CALN1: variants seen among roughly 807,000 people sequenced by gnomAD.
CALN1 encodes calcium-binding protein 8.
CALN1 carries 17 observed loss-of-function variants against 30.6 expected under a neutral mutation model. That is an observed-to-expected ratio of 0.56 (90% CI 0.38 to 0.83). CALN1 has a LOEUF of 0.83. Ranked by LOEUF, CALN1 falls within the 40% of genes least tolerant of loss-of-function variation. The pLI is 0.00. For missense variants in CALN1, 291 were observed against 354.9 expected, an observed-to-expected ratio of 0.82 and a Z score of 1.45; for synonymous variants, 156 against 131.4, an observed-to-expected ratio of 1.19 and a Z score of -1.28.
intron 5 of CALN1, among the ~76,000 whole-genome samples, chr7:71,859,479 C>T (rs1791149575): frequency 6.6e-6 from 1 of 152,168 alleles, no homozygotes; most frequent in South Asian, 2.1e-4. Flanking sequence ...CGTCAGAGGC[C>T]TCTAGGAACT....
intron 5 of CALN1, among the ~76,000 whole-genome samples, chr7:71,993,006 GAACCATTGGAGAAGAAAGA>G (rs1799036479): frequency 1.9e-5 from 2 of 103,624 alleles, no homozygotes; most frequent in Non-Finnish European, 3.5e-5. Flanking sequence ...ATAAGAAAGA[GAACCATTGGAGAAGAAAGA>G]GAACCATTGG....
At chr7:72,479,250 C>G in the CALN1 span, among the ~76,000 whole-genome samples, 1 of 152,086 alleles carries the variant, frequency 6.6e-6, no homozygotes, top group Non-Finnish European at 1.5e-5. Flanking sequence ...TTGTTTTCTT[C>G]TTATCAAGTT....
intron 5 of CALN1, among the ~76,000 whole-genome samples, chr7:71,984,870 T>C (rs1457722116): frequency 1.3e-5 from 2 of 152,202 alleles, no homozygotes; most frequent in African/African-American, 4.8e-5. Context: ...CGCAATTAAG[T>C]ATCCACACAT....
At chr7:71,901,193 C>A (rs116437096) in intron 5 of CALN1, among the ~76,000 whole-genome samples, 1,631 of 152,172 alleles carry the variant, frequency 0.011, 20 homozygotes, top group African/African-American at 0.037. Context: ...AATAAAATAC[C>A]TAGAAATGCA....
At chr7:72,205,059 C>T (rs1791725571) in intron 3 of CALN1, among the ~76,000 whole-genome samples, 2 of 152,042 alleles carry the variant, frequency 1.3e-5, no homozygotes, top group Admixed American at 1.3e-4. Context: ...TAGAAATTGA[C>T]ATTTTGTTGC....
At chr7:72,412,844 T>C (rs1390317408), upstream of CALN1, among the ~76,000 whole-genome samples, 1 of 152,118 alleles carries the variant, frequency 6.6e-6, no homozygotes, top group Admixed American at 6.5e-5. Flanking sequence ...GGAGAATCCA[T>C]CTCCCACCTC....
chr7:72,499,850 TTTC>T, the CALN1 span, among the ~76,000 whole-genome samples: 2 of 32,152 alleles, frequency 6.2e-5, no homozygotes, highest in African/African-American at 4.4e-4. Context: ...TCTTTCTTTC[TTTC>T]TTTCTTTCTT....
At chr7:72,479,102 G>A in the CALN1 span, among the ~76,000 whole-genome samples, 2 of 151,954 alleles carry the variant, frequency 1.3e-5, no homozygotes, top group Non-Finnish European at 2.9e-5. Context: ...GGCTGGTCTC[G>A]ATCTCCTGAC....
intron 5 of CALN1, among the ~76,000 whole-genome samples, chr7:71,851,429 G>T (rs1169812936): frequency 6.6e-6 from 1 of 151,846 alleles, no homozygotes; most frequent in East Asian, 1.9e-4. Flanking sequence ...TGAGGCACCA[G>T]AATTGCTTGA....
At chr7:72,253,336 T>A (rs1162777047) in intron 3 of CALN1, among the ~76,000 whole-genome samples, 1 of 152,230 alleles carries the variant, frequency 6.6e-6, no homozygotes, top group Admixed American at 6.5e-5. Flanking sequence ...CTTACAACTT[T>A]CTTCTGTGAG....
intron 5 of CALN1, among the ~76,000 whole-genome samples, chr7:71,964,982 G>C (rs1377746876): frequency 3.3e-5 from 5 of 152,142 alleles, no homozygotes; most frequent in African/African-American, 1.2e-4. Context: ...GACCGTTTTT[G>C]AGGATTCAGG....
intron 5 of CALN1, among the ~76,000 whole-genome samples, chr7:71,944,170 G>C (rs117256309): frequency 5.3e-5 from 8 of 152,154 alleles, no homozygotes; most frequent in Non-Finnish European, 7.3e-5. Flanking sequence ...TGCTAGGCAG[G>C]GTGCAGTGGC....
intron 5 of CALN1, among the ~76,000 whole-genome samples, chr7:71,931,269 CT>C (rs71092936): frequency 4.0e-5 from 6 of 149,268 alleles, no homozygotes; most frequent in East Asian, 2.0e-4. Flanking sequence ...AAACCATTCT[CT>C]TTTTTTTTTG....
chr7:71,830,033 CTTT>C (rs67629864), intron 5 of CALN1, among the ~76,000 whole-genome samples: 7 of 136,704 alleles, frequency 5.1e-5, no homozygotes, highest in Admixed American at 7.3e-5. Context: ...GAGTAAGTTC[CTTT>C]TTTTTTTTTT....
At chr7:71,807,919 T>G (rs7807234) in intron 6 of CALN1, among the ~76,000 whole-genome samples, 27,355 of 151,998 alleles carry the variant, frequency 0.18, 2,619 homozygotes, top group Middle Eastern at 0.26. Context: ...ACTAAAAATA[T>G]GAAAATTAGC....
chr7:72,170,791 ATGAAT>A (rs1788894548), intron 3 of CALN1, among the ~76,000 whole-genome samples: 1 of 152,176 alleles, frequency 6.6e-6, no homozygotes, highest in Non-Finnish European at 1.5e-5. Context: ...TAGATTTGAG[ATGAAT>A]TGAATTAAGC....
chr7:72,121,891 AATAT>A (rs1178349887), intron 3 of CALN1, among the ~76,000 whole-genome samples: 1 of 147,450 alleles, frequency 6.8e-6, no homozygotes, highest in African/African-American at 2.5e-5. Context: ...AATTATATAT[AATAT>A]ATATTTTATA....
intron 3 of CALN1, among the ~76,000 whole-genome samples, chr7:72,244,435 C>T (rs902629514): frequency 6.6e-6 from 1 of 152,064 alleles, no homozygotes; most frequent in Non-Finnish European, 1.5e-5. Flanking sequence ...TAAGCGTGTT[C>T]CTGCTCTCTA....
intron 3 of CALN1, among the ~76,000 whole-genome samples, chr7:72,167,056 AAAG>A (rs1245511754): frequency 6.6e-6 from 1 of 152,218 alleles, no homozygotes; most frequent in Non-Finnish European, 1.5e-5. Context: ...AGAAAAAGAA[AAAG>A]AAAATACCAA....
Sources: gnomAD v4.1 joint callset for allele counts (sites outside exome capture counted in the v4.1 genomes callset) on GRCh38, gnomAD v4.1.1 for gene constraint, MANE v1.5 for transcripts, NCBI Gene and HGNC (gene_info 2026-07-23, HGNC 2026-07-21) for gene names.